GLRB: variants seen among roughly 807,000 people sequenced by gnomAD.
GLRB encodes glycine receptor subunit beta.
Under a neutral mutation model 54.2 loss-of-function variants are expected in GLRB, and 33 were observed. The observed-to-expected ratio is 0.61, with a 90% CI of 0.46 to 0.81. GLRB has a LOEUF of 0.81. GLRB is among the 40% of genes least tolerant of loss of function. The pLI, the probability that GLRB is intolerant of heterozygous loss-of-function variation, is 0.00. For missense variants in GLRB, 572 were observed against 584.6 expected (o/e 0.98, Z 0.22); for synonymous variants, 209 against 208.2 (o/e 1.00, Z -0.03).
chr4:157,087,979 T>C (rs969626828), intron 2 of GLRB, among the ~76,000 whole-genome samples: 9 of 152,132 alleles, frequency 5.9e-5, no homozygotes, highest in African/African-American at 1.9e-4. Context: ...CACTTAGAAT[T>C]CATGAAGCCA....
At chr4:157,168,173 A>T (rs2126634363) in intron 9 of GLRB, among the ~76,000 whole-genome samples, 1 of 152,128 alleles carries the variant, frequency 6.6e-6, no homozygotes, top group South Asian at 2.1e-4. Context: ...ATAGGGACTA[A>T]AGCCTGTCCG....
intron 4 of GLRB, among the ~76,000 whole-genome samples, chr4:157,124,604 T>A (rs1484769635): frequency 6.6e-6 from 1 of 151,844 alleles, no homozygotes; most frequent in Admixed American, 6.6e-5. Flanking sequence ...GTAAAATGGT[T>A]GGTGGAACAA....
rs773896806 is a variant in GLRB at position 157,138,878 on chromosome 4, C to T, written c.680C>T (p.Ala227Val). 1 of 1,530,140 alleles carries T rather than the reference C, an allele frequency of 6.5e-7. No homozygotes were observed. The highest frequency in any genetic ancestry group is 9.1e-7 in the Non-Finnish European group (1 of 1,104,524). 94.8% of individuals were successfully genotyped at this position (1,530,140 alleles called of 1,614,324 possible). Residue 227 changes from alanine to valine, a missense_variant, in exon 7 of 10, where the codon GCC becomes GTC. Ala to Val is a moderately conservative substitution (Grantham distance 64). Transcript: ENST00000264428. ...GATCCTGTGCAATTAGAAAAAATTG[C>T]CTTGCCTCAATTTGATATCAAAAAG... ...SGDPVQLEKI[A>V]LPQFDIKKED...
chr4:157,089,864 C>T (rs1579187306), intron 2 of GLRB, among the ~76,000 whole-genome samples: 2 of 150,444 alleles, frequency 1.3e-5, no homozygotes, highest in South Asian at 4.2e-4. Flanking sequence ...CTGTATTCCC[C>T]AGCTCTACAC....
chr4:157,087,371 C>T (rs1425626469), intron 2 of GLRB, among the ~76,000 whole-genome samples: 1 of 152,130 alleles, frequency 6.6e-6, no homozygotes, highest in Non-Finnish European at 1.5e-5. Flanking sequence ...GTCACTTAAT[C>T]TATCTGAGTC....
chr4:157,087,848 A>G (rs1373732912), intron 2 of GLRB, among the ~76,000 whole-genome samples: 2 of 152,074 alleles, frequency 1.3e-5, no homozygotes, highest in East Asian at 3.9e-4. Context: ...GTATATTTGC[A>G]AAAGTCTCCT....
intron 2 of GLRB, among the ~76,000 whole-genome samples, chr4:157,112,123 T>C (rs572341676): frequency 1.3e-5 from 2 of 151,884 alleles, no homozygotes; most frequent in Admixed American, 6.6e-5. Flanking sequence ...GTGATTCTTC[T>C]GATAATTAAA....
chr4:157,077,452 C>G (rs1369625783), intron 1 of GLRB, among the ~76,000 whole-genome samples: 2 of 151,930 alleles, frequency 1.3e-5, no homozygotes, highest in South Asian at 2.1e-4. Flanking sequence ...ATGTGGAACT[C>G]TTTGATATTA....
chr4:157,137,008 A>C (rs1432768088), intron 6 of GLRB, 122 bp downstream of exon 6: 2 of 665,734 alleles, frequency 3.0e-6, no homozygotes, highest in South Asian at 3.5e-5. Context: ...AATAGTCATT[A>C]AAATAATTTA....
intron 7 of GLRB, among the ~76,000 whole-genome samples, chr4:157,141,111 T>C (rs890625859): frequency 6.6e-6 from 1 of 151,836 alleles, no homozygotes; most frequent in African/African-American, 2.4e-5. Flanking sequence ...AGGTGTGCTA[T>C]GGTATTTGGG....
chr4:157,084,373 C>T (rs1435289137), intron 2 of GLRB, among the ~76,000 whole-genome samples: 1 of 152,074 alleles, frequency 6.6e-6, no homozygotes, highest in Non-Finnish European at 1.5e-5. Flanking sequence ...CATTTTGGCC[C>T]ATACTTGTAT....
At chr4:157,098,649 C>T (rs1404590505) in intron 2 of GLRB, among the ~76,000 whole-genome samples, 4 of 151,986 alleles carry the variant, frequency 2.6e-5, no homozygotes, top group Non-Finnish European at 5.9e-5. Context: ...GCTCTGTCAC[C>T]CAGGCTGGAG....
intron 8 of GLRB, among the ~76,000 whole-genome samples, chr4:157,151,756 G>GAT (rs939262232): frequency 3.8e-4 from 58 of 152,104 alleles, no homozygotes; most frequent in African/African-American, 1.3e-3. Flanking sequence ...TTATTATGGT[G>GAT]ATATATATAC....
chr4:157,137,736 G>A (rs1249542897), intron 6 of GLRB, among the ~76,000 whole-genome samples: 1 of 152,016 alleles, frequency 6.6e-6, no homozygotes, highest in Non-Finnish European at 1.5e-5. Flanking sequence ...GTGTTTATAT[G>A]TTTGCACATG....
intron 9 of GLRB, 81 bp from the exon 10 acceptor site, chr4:157,170,351 A>C: frequency 4.9e-6 from 4 of 817,162 alleles, no homozygotes; most frequent in Non-Finnish European, 6.2e-6. Context: ...AGAAACTAGC[A>C]ATTTTAAAAA....
chr4:157,132,029 A>G (rs1273926071), intron 4 of GLRB, among the ~76,000 whole-genome samples: 2 of 151,772 alleles, frequency 1.3e-5, no homozygotes, highest in Non-Finnish European at 3.0e-5. Flanking sequence ...ATCAACAATG[A>G]ATGAGTTTTT....
intron 4 of GLRB, among the ~76,000 whole-genome samples, chr4:157,128,188 A>G (rs1173657261): frequency 6.6e-6 from 1 of 151,822 alleles, no homozygotes; most frequent in Non-Finnish European, 1.5e-5. Flanking sequence ...TTAAATATCT[A>G]TATATATGTT....
chr4:157,114,956 G>C (rs986169095), intron 2 of GLRB, among the ~76,000 whole-genome samples: 11 of 151,574 alleles, frequency 7.3e-5, no homozygotes, highest in African/African-American at 2.7e-4. Context: ...TTTGCAGACT[G>C]AACTCTTTGG....
At position 157,077,473 on chromosome 4, in the gene GLRB, T is replaced by G. The variant is rs777851810; in HGVS notation, c.-29-523T>G. On this transcript the variant is annotated intron_variant, in intron 1 of 9. Coordinates refer to ENST00000264428, the MANE Select transcript of GLRB (RefSeq NM_000824.5). ...AACTCTTTGATATTAACTTTTTCTT[T>G]TATCTGTCTTTTTTAATACTTAGAA... Among the ~76,000 whole-genome samples, 2 of 152,108 alleles carry G rather than the reference T, an allele frequency of 1.3e-5. 1 individual carries two copies. Among genetic ancestry groups the G allele is most frequent in the Non-Finnish European group, 2.9e-5 (2 of 68,006 alleles).
Sources: gnomAD v4.1 joint callset for allele counts (sites outside exome capture counted in the v4.1 genomes callset) on GRCh38, gnomAD v4.1.1 for gene constraint, MANE v1.5 for transcripts, NCBI Gene and HGNC (gene_info 2026-07-23, HGNC 2026-07-21) for gene names.